NOL4: variants seen among roughly 807,000 people sequenced by gnomAD.
NOL4 encodes cancer/testis antigen 125.
A neutral mutation model predicts 75.9 loss-of-function variants in NOL4; 17 were observed. The observed-to-expected ratio is 0.22, with a 90% CI of 0.15 to 0.34. NOL4 has a LOEUF of 0.34. NOL4 is among the 10% of genes least tolerant of loss of function. The probability of loss-of-function intolerance (pLI) is 1.00; values close to 1 mark genes in which losing one functional copy is unlikely to be tolerated. For synonymous variants in NOL4, 292 were observed against 289.9 expected, an observed-to-expected ratio of 1.01 and a Z score of -0.07; for missense variants, 614 against 793.5, an observed-to-expected ratio of 0.77 and a Z score of 2.72.
intron 6 of NOL4, among the ~76,000 whole-genome samples, chr18:33,966,097 G>A (rs949772469): frequency 2.0e-4 from 30 of 152,144 alleles, no homozygotes; most frequent in African/African-American, 7.0e-4. Context: ...CAACATTTAA[G>A]AAGCACTACT....
chr18:34,119,669 T>A (rs749285912), intron 2 of NOL4, among the ~76,000 whole-genome samples: 20 of 152,168 alleles, frequency 1.3e-4, no homozygotes, highest in Non-Finnish European at 2.4e-4. Context: ...TCGCCCACGC[T>A]GGAGTGCAGT....
intron 5 of NOL4, among the ~76,000 whole-genome samples, chr18:34,076,935 C>T (rs927754039): frequency 6.6e-6 from 1 of 152,142 alleles, no homozygotes; most frequent in African/African-American, 2.4e-5. Flanking sequence ...GATCTGCACA[C>T]ACATCTACAA....
intron 10 of NOL4, among the ~76,000 whole-genome samples, chr18:33,862,127 C>T (rs1444541041): frequency 6.6e-6 from 1 of 152,122 alleles, no homozygotes; most frequent in East Asian, 1.9e-4. Flanking sequence ...ATATCTACAA[C>T]TATCTGATCT....
intron 6 of NOL4, 54 bp from the exon 7 acceptor site, chr18:33,958,472 G>C: frequency 7.0e-7 from 1 of 1,435,632 alleles, no homozygotes; most frequent in Non-Finnish European, 9.4e-7. Flanking sequence ...AAGCTTATAA[G>C]TTTTATGTTT....
intron 6 of NOL4, among the ~76,000 whole-genome samples, chr18:33,974,267 A>C (rs2071317316): frequency 1.3e-5 from 2 of 152,176 alleles, no homozygotes; most frequent in African/African-American, 4.8e-5. Context: ...CTCTCCCAGC[A>C]TTCACAGAAT....
chr18:33,919,803 T>C (rs1230166937), intron 9 of NOL4, among the ~76,000 whole-genome samples: 1 of 152,214 alleles, frequency 6.6e-6, no homozygotes, highest in Admixed American at 6.5e-5. Context: ...CTCTAGACAA[T>C]GCCCTTTTAA....
chr18:33,900,763 T>C (rs750383784), intron 9 of NOL4, among the ~76,000 whole-genome samples: 11 of 152,162 alleles, frequency 7.2e-5, no homozygotes, highest in Admixed American at 2.6e-4. Context: ...GATCCAGCTA[T>C]CTTTTAGAGG....
chr18:34,005,279 A>C (rs967636639), intron 6 of NOL4, among the ~76,000 whole-genome samples: 2 of 152,032 alleles, frequency 1.3e-5, no homozygotes, highest in African/African-American at 4.8e-5. Flanking sequence ...TGCATCCTTC[A>C]AAATGATCCA....
At chr18:33,887,134 ATATATC>A (rs1451546435) in intron 9 of NOL4, among the ~76,000 whole-genome samples, 2 of 144,278 alleles carry the variant, frequency 1.4e-5, no homozygotes, top group Non-Finnish European at 3.0e-5. Flanking sequence ...TTATATCTAG[ATATATC>A]TATATCTAGA....
At chr18:34,142,237 T>C (rs1241704471) in intron 1 of NOL4, among the ~76,000 whole-genome samples, 1 of 152,228 alleles carries the variant, frequency 6.6e-6, no homozygotes, top group Non-Finnish European at 1.5e-5. Context: ...TTGGCGGGAC[T>C]GTAAACTAGT....
At chr18:34,130,152 C>T (rs2080572917) in intron 1 of NOL4, 132 bp from the exon 2 acceptor site, 2 of 782,230 alleles carry the variant, frequency 2.6e-6, no homozygotes, top group East Asian at 6.5e-5. Flanking sequence ...GTCAAAAATT[C>T]ATGAATGAAT....
rs140133873 is a variant in NOL4, at chr18:33,933,978, T to C, written c.1542+9087A>G. 2.3e-4 allele frequency among the ~76,000 whole-genome samples: 35 copies of C among 152,208 alleles called. No individual in the cohort carries two copies. The East Asian group carries it at 4.3e-3, about 19-fold the overall frequency. On this transcript the variant is annotated intron_variant, in intron 9 of 10. Coordinates refer to ENST00000261592, the MANE Select transcript of NOL4 (RefSeq NM_003787.5). ...CGATGGCAGCCATAGCCTTGGGAAA[T>C]GTATTTCTGAAATATAAGACCTGAA...
At chr18:34,188,961 CTATATTTCCAA>C (rs2034705486) in intron 1 of NOL4, among the ~76,000 whole-genome samples, 1 of 152,096 alleles carries the variant, frequency 6.6e-6, no homozygotes, top group African/African-American at 2.4e-5. Flanking sequence ...GTAAAATGAG[CTATATTTCCAA>C]TATATTAACT....
chr18:33,859,476 G>T (rs966468196), intron 10 of NOL4, among the ~76,000 whole-genome samples: 1 of 151,852 alleles, frequency 6.6e-6, no homozygotes, highest in Non-Finnish European at 1.5e-5. Flanking sequence ...TTTTTTGTTT[G>T]TTTTTTGTTT....
At chr18:34,172,728 T>A (rs961732890) in intron 1 of NOL4, among the ~76,000 whole-genome samples, 1 of 152,144 alleles carries the variant, frequency 6.6e-6, no homozygotes, top group Non-Finnish European at 1.5e-5. Context: ...TGAGGTGATA[T>A]CTCATTGTGG....
At chr18:34,152,755 T>C (rs1023841775) in intron 1 of NOL4, among the ~76,000 whole-genome samples, 1 of 151,862 alleles carries the variant, frequency 6.6e-6, no homozygotes, top group Admixed American at 6.6e-5. Context: ...AAAATTATCG[T>C]GCAAGAAAGA....
At chr18:33,864,896 C>T (rs2063354662) in intron 10 of NOL4, among the ~76,000 whole-genome samples, 2 of 152,136 alleles carry the variant, frequency 1.3e-5, no homozygotes, top group Admixed American at 1.3e-4. Context: ...GAAGGAGGAA[C>T]TGTCAAACAC....
chr18:34,218,114 A>G (rs919721793), intron 1 of NOL4, among the ~76,000 whole-genome samples: 1 of 151,320 alleles, frequency 6.6e-6, no homozygotes, highest in African/African-American at 2.4e-5. Flanking sequence ...AAAAAAAAAC[A>G]AAAAACAAAG....
At position 34,009,565 on chromosome 18, in the gene NOL4, C is replaced by G. The variant is rs188143330; in HGVS notation, c.1056+9753G>C. Among the ~76,000 whole-genome samples the G allele has an allele frequency of 3.8e-3, 582 of 151,896 alleles. 11 individuals carry two copies. The highest frequency in any genetic ancestry group is 2.5e-3 in the Non-Finnish European group (168 of 67,906). ...CCATCTTATTTAATCTTGATAATTG[C>G]CTATAGGTTAAGAATTATTATCATC... On this transcript the variant is annotated intron_variant, in intron 6 of 10. Coordinates refer to ENST00000261592, the MANE Select transcript of NOL4 (RefSeq NM_003787.5).
Sources: allele counts gnomAD v4.1 joint callset (sites outside exome capture counted in the v4.1 genomes callset), GRCh38; gene constraint gnomAD v4.1.1; transcripts MANE v1.5; gene names NCBI Gene and HGNC (gene_info 2026-07-23, HGNC 2026-07-21).